METTL2B: variants seen among roughly 807,000 people sequenced by gnomAD.
The protein encoded by METTL2B is methyltransferase 2B, tRNA N3-cytidine.
Under a neutral mutation model 51.0 loss-of-function variants are expected in METTL2B, and 28 were observed. The ratio of observed to expected loss-of-function variants is 0.55; its 90% confidence interval spans 0.41 to 0.75. The LOEUF is 0.75. Ranked by LOEUF, METTL2B falls within the 30% of genes least tolerant of loss-of-function variation. The pLI is 0.00. For missense variants in METTL2B, 313 were observed against 460.7 expected (o/e 0.68, Z 2.93); for synonymous variants, 128 against 166.3 (o/e 0.77, Z 1.77).
chr7:128,478,515 C>A (rs1329750789), intron 2 of METTL2B, among the ~76,000 whole-genome samples: 1 of 151,218 alleles, frequency 6.6e-6, no homozygotes, highest in African/African-American at 2.4e-5. Flanking sequence ...TCCCAAAGTG[C>A]TGGGATTACA....
In METTL2B at chr7:128,502,852, TGC is replaced by T. The variant is rs1276647815; in HGVS notation, c.*939_*940del. 12 of 282,370 alleles carry T rather than the reference TGC, an allele frequency of 4.2e-5. No individual in the cohort carries two copies. The highest frequency in any genetic ancestry group is 2.9e-4 in the African/African-American group (12 of 41,586). 17.5% of individuals were successfully genotyped at this position (282,370 alleles called of 1,614,324 possible). A position where few individuals can be genotyped will look rare whatever the true frequency, so the allele number is the denominator to read the frequency against. ...GGCAGAGGTTGCAGTGAGCTGAGATTGCGCCACTGTACTCCAGCCTGGGCAAC... is the reference window on the plus strand; with the variant it reads ...GGCAGAGGTTGCAGTGAGCTGAGATTGCCACTGTACTCCAGCCTGGGCAAC... On this transcript the variant is annotated 3_prime_UTR_variant, in exon 9 of 9. Transcript: ENST00000262432.
At chr7:128,501,671 T>C in intron 8 of METTL2B, 91 bp from the exon 9 acceptor site, 2 of 1,536,512 alleles carry the variant, frequency 1.3e-6, no homozygotes, top group Admixed American at 2.1e-5. Context: ...CGACAGCAAC[T>C]TCCCAGAGCC....
chr7:128,493,620 C>T (rs1372375474), intron 5 of METTL2B, among the ~76,000 whole-genome samples, 184 bp from the exon 6 acceptor site: 3 of 152,132 alleles, frequency 2.0e-5, no homozygotes, highest in African/African-American at 4.8e-5. Context: ...ATCGCGTGAA[C>T]CCAACAGTTT....
At chr7:128,485,534 C>T (rs926577816) in intron 4 of METTL2B, among the ~76,000 whole-genome samples, 9 of 152,222 alleles carry the variant, frequency 5.9e-5, no homozygotes, top group African/African-American at 2.2e-4. Context: ...GTCGTGGTGG[C>T]AGGCACCTGT....
intron 7 of METTL2B, among the ~76,000 whole-genome samples, chr7:128,499,892 A>G (rs1262631373): frequency 6.6e-6 from 1 of 152,182 alleles, no homozygotes. Flanking sequence ...GAACTAGCAC[A>G]TAATACATGC....
chr7:128,481,490 T>TAA (rs1799872366), intron 4 of METTL2B, among the ~76,000 whole-genome samples: 3 of 152,208 alleles, frequency 2.0e-5, no homozygotes, highest in Non-Finnish European at 4.4e-5. Context: ...TACATTTATG[T>TAA]GTTTGTTATG....
chr7:128,499,592 C>CTGCA (rs1792989690), intron 7 of METTL2B, among the ~76,000 whole-genome samples: 1 of 148,828 alleles, frequency 6.7e-6, no homozygotes, highest in East Asian at 2.0e-4. Flanking sequence ...GATCTCGGCT[C>CTGCA]ACTGCAACGT....
chr7:128,497,969 G>A (rs767078364), intron 6 of METTL2B, 67 bp from the exon 7 acceptor site: 65 of 1,541,048 alleles, frequency 4.2e-5, no homozygotes, highest in Non-Finnish European at 5.5e-5. Flanking sequence ...TTTGGGATAT[G>A]CTACAGGGAA....
Position 128,498,032 on chromosome 7 carries a change from A to T in METTL2B, c.810-4A>T. ...ATTAACTATAATTCCCTGTGTCTCC[A>T]CAGGATGCAGAAGGCTATCAACAGG... On this transcript the variant is annotated splice_polypyrimidine_tract_variant and splice_region_variant and intron_variant, in intron 6 of 8. Transcript: ENST00000262432. The T allele has an allele frequency of 6.2e-7, 1 of 1,613,490 alleles. No homozygotes were observed. The highest frequency in any genetic ancestry group is 8.5e-7 in the Non-Finnish European group (1 of 1,179,606).
At chr7:128,501,328 G>T (rs3802008) in intron 8 of METTL2B, 1 of 985,140 alleles carries the variant, frequency 1.0e-6, no homozygotes, top group African/African-American at 1.7e-5. Context: ...TGGGTTCTAG[G>T]GGTGCCGGGA....
At chr7:128,501,739 A>G (rs769178480) in intron 8 of METTL2B, 23 bp from the exon 9 acceptor site, 2 of 1,611,644 alleles carry the variant, frequency 1.2e-6, no homozygotes. Context: ...AAATGCATAA[A>G]CATCTTTTAT....
At chr7:128,501,347 C>G in intron 8 of METTL2B, 1 of 985,458 alleles carries the variant, frequency 1.0e-6, no homozygotes, top group Non-Finnish European at 1.2e-6. Flanking sequence ...GAACTGCTCT[C>G]CTCTGCAACT....
chr7:128,493,269 A>G (rs1442457230), intron 5 of METTL2B, among the ~76,000 whole-genome samples: 4 of 151,076 alleles, frequency 2.6e-5, no homozygotes, highest in East Asian at 3.9e-4. Flanking sequence ...CTGGAGTGCA[A>G]TGGTACAATC....
At chr7:128,494,068 C>G in intron 6 of METTL2B, 125 bp downstream of exon 6, 1 of 1,247,656 alleles carries the variant, frequency 8.0e-7, no homozygotes, top group Non-Finnish European at 1.1e-6. Context: ...TCATGGCTCA[C>G]TGCAGCCTTA....
chr7:128,483,037 G>A (rs1353856469), intron 4 of METTL2B: 1 of 152,140 alleles, frequency 6.6e-6, no homozygotes, highest in Non-Finnish European at 1.5e-5. Context: ...AAATTTCTAA[G>A]AAAATGGCAA....
At chr7:128,484,601 G>T (rs1357986296) in intron 4 of METTL2B, among the ~76,000 whole-genome samples, 2 of 151,792 alleles carry the variant, frequency 1.3e-5, no homozygotes, top group African/African-American at 4.8e-5. Context: ...TTTTGTTTTG[G>T]TTTGGTTTTG....
intron 8 of METTL2B, chr7:128,501,233 C>T (rs1793024631): frequency 1.0e-6 from 1 of 985,458 alleles, no homozygotes; most frequent in Non-Finnish European, 1.2e-6. Flanking sequence ...GAAGCCTGCC[C>T]ACTCTGCAAG....
chr7:128,501,966 T>C lies in METTL2B; in HGVS notation c.*50T>C. The C allele has an allele frequency of 6.2e-7, 1 of 1,603,988 alleles. No homozygotes were observed. ...CAAGCCCGTTGTGTTTCCGAGCTTT[T>C]TTAAAAAAAAATTTGTAGCACCGGG... is the stretch of plus-strand genomic sequence containing the variant. On this transcript the variant is annotated 3_prime_UTR_variant, in exon 9 of 9. Coordinates refer to ENST00000262432, the MANE Select transcript of METTL2B (RefSeq NM_018396.3).
chr7:128,481,975 T>A (rs2116843550), intron 4 of METTL2B, among the ~76,000 whole-genome samples: 1 of 152,202 alleles, frequency 6.6e-6, no homozygotes, highest in African/African-American at 2.4e-5. Context: ...GGACACAGAC[T>A]TATGGGAAAA....
Sources: gnomAD v4.1 joint callset for allele counts (sites outside exome capture counted in the v4.1 genomes callset) on GRCh38, gnomAD v4.1.1 for gene constraint, MANE v1.5 for transcripts, NCBI Gene and HGNC (gene_info 2026-07-23, HGNC 2026-07-21) for gene names.